CIB4: variants seen among roughly 807,000 people sequenced by gnomAD.
CIB4 encodes calcium and integrin binding family member 4, also known as calcium and integrin-binding family member 4.
In CIB4, 25 loss-of-function variants were observed where a neutral mutation model predicts 25.8. The ratio of observed to expected loss-of-function variants is 0.97; its 90% CI spans 0.71 to 1.35. The LOEUF is 1.35. Ranked by LOEUF, CIB4 falls within the 40% of genes most tolerant of loss-of-function variation. The pLI, the probability that CIB4 is intolerant of heterozygous loss-of-function variation, is 0.00. For missense variants in CIB4, 235 were observed against 228.2 expected (o/e 1.03, Z -0.19); for synonymous variants, 75 against 81.4 (o/e 0.92, Z 0.42).
At chr2:26,597,829 G>A (rs115530506) in intron 3 of CIB4, among the ~76,000 whole-genome samples, 66 of 151,970 alleles carry the variant, frequency 4.3e-4, no homozygotes, top group African/African-American at 1.5e-3. Context: ...TGGGGAAGGG[G>A]AGGGACTCAG....
chr2:26,584,037 A>G (rs1205286474), intron 4 of CIB4, 139 bp from the exon 5 acceptor site: 3 of 615,416 alleles, frequency 4.9e-6, no homozygotes, highest in African/African-American at 3.7e-5. Context: ...CCAGAGCCCA[A>G]CTCTCCCAGG....
Position 26,620,298 on chromosome 2 carries a change from C to T in CIB4, c.186+9112G>A, listed in dbSNP as rs115259616. On this transcript the variant is annotated intron_variant, in intron 3 of 6. Transcript: ENST00000288861. ...CTCTGCGACTGGAAGTCCCTGGTAG[C>T]GCTGGAAATAGAGGCTGGCTGAAAG... is the stretch of plus-strand genomic sequence containing the variant. 8.2e-4 allele frequency among the ~76,000 whole-genome samples: 125 copies of T among 152,332 alleles called. 1 individual carries two copies. The highest frequency in any genetic ancestry group is 2.9e-3 in the African/African-American group (119 of 41,574).
rs566343224 is a variant in CIB4, at chr2:26,582,842, C to T, written c.510G>A (p.Lys170=). The change falls in exon 6 of 7, where the codon AAG becomes AAA. Residue 170 remains lysine (K), a synonymous_variant. Transcript: ENST00000288861. ...SFSEFEHAMA[K]SPDFMNSFRI... Reference sequence around the variant, plus strand: ...TGCCTTACTTCATGAAATCTGGAGACTTGGCCATTGCATGTTCAAACTCTG... The same window carrying T: ...TGCCTTACTTCATGAAATCTGGAGATTTGGCCATTGCATGTTCAAACTCTG... 3 of 1,612,620 alleles carry T rather than the reference C, an allele frequency of 1.9e-6. No homozygotes were observed. Among genetic ancestry groups the T allele is most frequent in the Admixed American group, 1.7e-5 (1 of 60,016 alleles).
intron 3 of CIB4, among the ~76,000 whole-genome samples, chr2:26,598,299 CAA>C (rs1296318429): frequency 4.2e-5 from 5 of 120,444 alleles, no homozygotes; most frequent in African/African-American, 6.2e-5. Context: ...GACTCCATCT[CAA>C]AAAAAAAAAA....
chr2:26,609,809 C>G (rs966964048), intron 3 of CIB4, among the ~76,000 whole-genome samples: 2 of 152,176 alleles, frequency 1.3e-5, no homozygotes, highest in African/African-American at 4.8e-5. Flanking sequence ...AACTTAAACA[C>G]AGTTTATACG....
chr2:26,585,077 C>T (rs1318933431), intron 4 of CIB4, among the ~76,000 whole-genome samples: 2 of 152,156 alleles, frequency 1.3e-5, no homozygotes, highest in African/African-American at 2.4e-5. Context: ...TCAGGGTCCA[C>T]CTGACCCTAT....
intron 3 of CIB4, among the ~76,000 whole-genome samples, chr2:26,626,431 A>C (rs1251682979): frequency 6.6e-6 from 1 of 151,978 alleles, no homozygotes; most frequent in African/African-American, 2.4e-5. Flanking sequence ...ATGGGATCCA[A>C]ATCAACATGT....
chr2:26,629,046 G>A (rs1669362966), intron 3 of CIB4, among the ~76,000 whole-genome samples: 1 of 152,178 alleles, frequency 6.6e-6, no homozygotes, highest in South Asian at 2.1e-4. Flanking sequence ...CCCATAGGCT[G>A]GCCTCGGAGG....
chr2:26,595,193 T>A lies in CIB4; in HGVS notation c.311A>T (p.Tyr104Phe), dbSNP rs901714630. 1 of 1,611,632 alleles carries A rather than the reference T, an allele frequency of 6.2e-7. No homozygotes were observed. Among genetic ancestry groups the A allele is most frequent in the Non-Finnish European group, 8.5e-7 (1 of 1,177,916 alleles). ...EQACPSLKIE[Y>F]AFRIYDFNEN... ...GCACCTACCATAGATGCGAAAGGCATACTCAATCTTCAGGCTTGGGCAGGC... is the reference window on the plus strand; with the variant it reads ...GCACCTACCATAGATGCGAAAGGCAAACTCAATCTTCAGGCTTGGGCAGGC... Residue 104 changes from tyrosine to phenylalanine, a missense_variant, in exon 4 of 7, where the codon TAT (tyrosine) becomes TTT (phenylalanine). Physicochemically the swap from Tyr to Phe is conservative, Grantham distance 22. Transcript: ENST00000288861.
At chr2:26,608,610 G>C (rs548866151) in intron 3 of CIB4, among the ~76,000 whole-genome samples, 1 of 152,162 alleles carries the variant, frequency 6.6e-6, no homozygotes, top group African/African-American at 2.4e-5. Context: ...TGACTCCCAG[G>C]CTGCCCCATC....
chr2:26,638,435 C>T (rs988146711), intron 2 of CIB4, among the ~76,000 whole-genome samples: 1 of 152,128 alleles, frequency 6.6e-6, no homozygotes, highest in East Asian at 1.9e-4. Flanking sequence ...AATGGAGGAT[C>T]GATGTTCGAG....
intron 3 of CIB4, among the ~76,000 whole-genome samples, chr2:26,614,000 T>C (rs1669045977): frequency 1.3e-5 from 2 of 152,156 alleles, no homozygotes; most frequent in South Asian, 4.1e-4. Flanking sequence ...CCTCCAAAGC[T>C]GCAGGGCGTC....
At chr2:26,593,367 T>C (rs1471210643) in intron 4 of CIB4, among the ~76,000 whole-genome samples, 1 of 151,634 alleles carries the variant, frequency 6.6e-6, no homozygotes, top group East Asian at 1.9e-4. Flanking sequence ...TATACATATA[T>C]ACACACGCAC....
chr2:26,586,848 T>TG (rs1668466876), intron 4 of CIB4, among the ~76,000 whole-genome samples: 1 of 152,090 alleles, frequency 6.6e-6, no homozygotes, highest in African/African-American at 2.4e-5. Context: ...TTCTGGCCGA[T>TG]GAAGTGTAAG....
At chr2:26,584,022 G>GC (rs946683036) in intron 4 of CIB4, 124 bp from the exon 5 acceptor site, 22 of 627,778 alleles carry the variant, frequency 3.5e-5, no homozygotes, top group Non-Finnish European at 6.3e-5. Context: ...CCTCTGGGAG[G>GC]CCCCCCAGAG....
intron 3 of CIB4, among the ~76,000 whole-genome samples, chr2:26,602,483 T>A (rs1167392037): frequency 1.3e-5 from 2 of 152,054 alleles, no homozygotes; most frequent in Admixed American, 1.3e-4. Context: ...TAAAATAAGT[T>A]ATAAAGAAGC....
chr2:26,604,002 TAAAAAAA>T lies in CIB4; in HGVS notation c.187-8692_187-8686del, dbSNP rs1213333682. On this transcript the variant is annotated intron_variant, in intron 3 of 6. Coordinates refer to ENST00000288861, the MANE Select transcript of CIB4 (RefSeq NM_001029881.3). ...TGGGCAACAGAGCAAGAGCATACCT[TAAAAAAA>T]AAAAAAAAAAGAAAGAAATATGAAG... Among the ~76,000 whole-genome samples the T allele has an allele frequency of 2.9e-5, 3 of 103,270 alleles. No individual in the cohort carries two copies. In the East Asian group the frequency reaches 8.4e-4, roughly 29 times the overall value. The allele number at this position is 103,270 out of a possible 152,430, so 67.7% of individuals were successfully genotyped here.
At chr2:26,584,143 C>A (rs1668406650) in intron 4 of CIB4, among the ~76,000 whole-genome samples, 1 of 152,196 alleles carries the variant, frequency 6.6e-6, no homozygotes, top group African/African-American at 2.4e-5. Flanking sequence ...CTCCTGAGAG[C>A]TTTAAGTCAT....
rs549744629 is a variant in CIB4, at chr2:26,613,870, C to A, written c.186+15540G>T. ...CGGGGCCTGTCCTGCCTCTCTGCAC[C>A]TGGGTGAATGTGTCCCCGCATCTCA... On this transcript the variant is annotated intron_variant, in intron 3 of 6. Transcript: ENST00000288861. Among the ~76,000 whole-genome samples, 361 of 152,330 alleles carry A rather than the reference C, an allele frequency of 2.4e-3. 1 individual carries two copies. Among genetic ancestry groups the A allele is most frequent in the Non-Finnish European group, 3.4e-3 (232 of 68,026 alleles).
Sources: gnomAD v4.1 joint callset for allele counts (sites outside exome capture counted in the v4.1 genomes callset) on GRCh38, gnomAD v4.1.1 for gene constraint, MANE v1.5 for transcripts, NCBI Gene and HGNC (gene_info 2026-07-23, HGNC 2026-07-21) for gene names.